The following SLC9A9 variants were observed in gnomAD, a reference collection of about 807,000 sequenced individuals.
SLC9A9 encodes the protein solute carrier family 9 member A9.
In SLC9A9, 62 loss-of-function variants were observed where a neutral mutation model predicts 77.8. The observed-to-expected ratio is 0.80, with a 90% CI of 0.65 to 0.98. SLC9A9 has a LOEUF of 0.98. Ranked by LOEUF, SLC9A9 falls within the 50% of genes least tolerant of loss-of-function variation. The probability of loss-of-function intolerance (pLI) is 0.00; values close to 1 mark genes in which losing one functional copy is unlikely to be tolerated. For missense variants in SLC9A9, 775 were observed against 774.9 expected (o/e 1.00, Z 0.00); for synonymous variants, 320 against 283.5 (o/e 1.13, Z -1.29).
intron 9 of SLC9A9, among the ~76,000 whole-genome samples, chr3:143,541,094 T>G (rs1273581728): frequency 6.6e-6 from 1 of 152,168 alleles, no homozygotes; most frequent in Non-Finnish European, 1.5e-5. Flanking sequence ...CTTCAAAATG[T>G]AAATGAATTA....
chr3:143,598,670 T>C (rs2037799392), intron 6 of SLC9A9, among the ~76,000 whole-genome samples: 1 of 152,258 alleles, frequency 6.6e-6, no homozygotes, highest in South Asian at 2.1e-4. Context: ...CTTGTTTTTC[T>C]GAAGTCCCGT....
intron 14 of SLC9A9, among the ~76,000 whole-genome samples, chr3:143,313,542 G>A (rs1239482097): frequency 6.6e-6 from 1 of 152,078 alleles, no homozygotes; most frequent in Admixed American, 6.5e-5. Flanking sequence ...AGCCTTTTTG[G>A]TCATAAGATT....
intron 9 of SLC9A9, among the ~76,000 whole-genome samples, chr3:143,530,014 T>G (rs1240246069): frequency 6.6e-6 from 1 of 152,158 alleles, no homozygotes; most frequent in Non-Finnish European, 1.5e-5. Flanking sequence ...ATTAGAACCC[T>G]GGGAAAGCAG....
intron 6 of SLC9A9, among the ~76,000 whole-genome samples, chr3:143,623,232 A>G (rs1338800331): frequency 6.6e-6 from 1 of 152,204 alleles, no homozygotes; most frequent in Admixed American, 6.5e-5. Flanking sequence ...AAGGATATCC[A>G]GGAATTGAAC....
chr3:143,505,412 G>A (rs549574429), intron 9 of SLC9A9, among the ~76,000 whole-genome samples: 8 of 152,238 alleles, frequency 5.3e-5, no homozygotes, highest in African/African-American at 9.6e-5. Flanking sequence ...TATACATATA[G>A]ATTATGTATA....
intron 13 of SLC9A9, among the ~76,000 whole-genome samples, chr3:143,380,397 T>C (rs916385847): frequency 6.6e-6 from 1 of 152,354 alleles, no homozygotes; most frequent in African/African-American, 2.4e-5. Context: ...ATTTGATGAA[T>C]TTTATAATTG....
intron 14 of SLC9A9, among the ~76,000 whole-genome samples, chr3:143,353,363 C>G (rs916316349): frequency 6.6e-6 from 1 of 152,116 alleles, no homozygotes; most frequent in Non-Finnish European, 1.5e-5. Context: ...TTAGGTAATG[C>G]GAGTTCTGCC....
rs139882200 is a variant in SLC9A9, at chr3:143,555,334, C to T, written c.1001-2884G>A. On this transcript the variant is annotated intron_variant, in intron 8 of 15. Coordinates refer to ENST00000316549, the MANE Select transcript of SLC9A9 (RefSeq NM_173653.4). ...AACCTCTTTTTCTTTATAAATTATC[C>T]AGTCTTGAACATATCTTTATCAGCA... is the stretch of plus-strand genomic sequence containing the variant. 1.2e-4 allele frequency among the ~76,000 whole-genome samples: 19 copies of T among 152,248 alleles called. No individual in the cohort carries two copies. In the East Asian group the frequency reaches 3.3e-3, roughly 26 times the overall value.
intron 4 of SLC9A9, among the ~76,000 whole-genome samples, chr3:143,733,975 T>C (rs913150592): frequency 6.6e-6 from 1 of 152,130 alleles, no homozygotes; most frequent in Non-Finnish European, 1.5e-5. Flanking sequence ...GGTAGGAGGA[T>C]TGCTTGAAGC....
At chr3:143,722,693 C>G (rs957638862) in intron 4 of SLC9A9, among the ~76,000 whole-genome samples, 14 of 152,128 alleles carry the variant, frequency 9.2e-5, no homozygotes, top group Admixed American at 6.5e-5. Context: ...TTTCTTTTCA[C>G]TTACCAATTC....
At chr3:143,621,626 AT>A (rs2038214621) in intron 6 of SLC9A9, among the ~76,000 whole-genome samples, 1 of 152,334 alleles carries the variant, frequency 6.6e-6, no homozygotes, top group African/African-American at 2.4e-5. Context: ...TGTCACCATC[AT>A]CAAAGACCAA....
intron 5 of SLC9A9, among the ~76,000 whole-genome samples, chr3:143,692,016 C>A (rs908740422): frequency 6.6e-6 from 1 of 152,084 alleles, no homozygotes; most frequent in Non-Finnish European, 1.5e-5. Context: ...GGTCCCAGCA[C>A]CACCTTTAAA....
intron 14 of SLC9A9, among the ~76,000 whole-genome samples, chr3:143,340,504 C>A (rs776410066): frequency 3.3e-5 from 5 of 152,190 alleles, no homozygotes; most frequent in Non-Finnish European, 5.9e-5. Context: ...GTTGGAATTT[C>A]TTAATGGAAA....
At chr3:143,294,791 C>T (rs2030177156) in intron 14 of SLC9A9, among the ~76,000 whole-genome samples, 1 of 152,214 alleles carries the variant, frequency 6.6e-6, no homozygotes, top group Non-Finnish European at 1.5e-5. Flanking sequence ...TCACACAGCT[C>T]AGGACTGGGA....
chr3:143,413,040 G>C (rs139181735), intron 12 of SLC9A9, among the ~76,000 whole-genome samples: 1 of 152,164 alleles, frequency 6.6e-6, no homozygotes, highest in Non-Finnish European at 1.5e-5. Flanking sequence ...TACAGAAAAC[G>C]CCTCTGAATC....
chr3:143,661,227 T>A (rs2108756081), intron 5 of SLC9A9, among the ~76,000 whole-genome samples: 2 of 152,366 alleles, frequency 1.3e-5, no homozygotes, highest in East Asian at 1.9e-4. Flanking sequence ...ATGGCCATTT[T>A]AATTTTCTTT....
chr3:143,652,404 C>T (rs2038813166), intron 5 of SLC9A9, 44 bp from the exon 6 acceptor site: 2 of 1,491,112 alleles, frequency 1.3e-6, no homozygotes, highest in East Asian at 4.6e-5. Flanking sequence ...TGGATGCAGG[C>T]ATGGAGTTTT....
At position 143,384,288 on chromosome 3, in the gene SLC9A9, C is replaced by A. The variant is rs537511312; in HGVS notation, c.1470-2174G>T. Among the ~76,000 whole-genome samples, 17 of 152,206 alleles carry A rather than the reference C, an allele frequency of 1.1e-4. 1 individual carries two copies. In the South Asian group the frequency reaches 3.3e-3, roughly 30 times the overall value. On this transcript the variant is annotated intron_variant, in intron 12 of 15. Coordinates refer to ENST00000316549, the MANE Select transcript of SLC9A9 (RefSeq NM_173653.4). ...CTCCCAGCCCCCTTCTCTTATGGGGCCAGGCCACTCTCACAGCTGTGTGGT... is the reference window on the plus strand; with the variant it reads ...CTCCCAGCCCCCTTCTCTTATGGGGACAGGCCACTCTCACAGCTGTGTGGT...
At chr3:143,702,833 C>T (rs767499513) in intron 4 of SLC9A9, among the ~76,000 whole-genome samples, 13 of 151,732 alleles carry the variant, frequency 8.6e-5, no homozygotes, top group South Asian at 2.1e-4. Context: ...ATAATAAACA[C>T]GCTTCACCTA....
Sources: gnomAD v4.1 joint callset for allele counts (sites outside exome capture counted in the v4.1 genomes callset) on GRCh38, gnomAD v4.1.1 for gene constraint, MANE v1.5 for transcripts, NCBI Gene and HGNC (gene_info 2026-07-23, HGNC 2026-07-21) for gene names.